ZNF516: variants seen among roughly 807,000 people sequenced by gnomAD.
ZNF516 encodes the protein zinc finger protein 516.
A neutral mutation model predicts 79.7 loss-of-function variants in ZNF516; 19 were observed. That is an observed-to-expected ratio of 0.24 (90% CI 0.17 to 0.35). ZNF516 has a LOEUF of 0.35. Ranked by LOEUF, ZNF516 falls within the 10% of genes least tolerant of loss-of-function variation. The pLI is 1.00. For missense variants in ZNF516, 1,678 were observed against 1,679.5 expected (o/e 1.00, Z 0.02); for synonymous variants, 877 against 739.5 (o/e 1.19, Z -3.02).
upstream of ZNF516, chr18:76,496,146 AG>A (rs1363623862): frequency 1.2e-5 from 5 of 427,542 alleles, no homozygotes; most frequent in East Asian, 4.5e-4. Context: ...GGGGTGGGGG[AG>A]GGGAGGGCGG....
At chr18:76,414,617 G>A (rs1599051134) in intron 3 of ZNF516, among the ~76,000 whole-genome samples, 1 of 152,340 alleles carries the variant, frequency 6.6e-6, no homozygotes. Flanking sequence ...CCCGAAGAAG[G>A]TTACCTACTT....
intron 1 of ZNF516, among the ~76,000 whole-genome samples, chr18:76,474,222 A>G (rs1914048364): frequency 6.6e-6 from 1 of 152,186 alleles, no homozygotes; most frequent in African/African-American, 2.4e-5. Context: ...TAAGAAACAG[A>G]CAGCTTGAAA....
At chr18:76,489,434 C>T (rs1456568152) in intron 1 of ZNF516, among the ~76,000 whole-genome samples, 1 of 152,100 alleles carries the variant, frequency 6.6e-6, no homozygotes, top group Non-Finnish European at 1.5e-5. Context: ...ACTTATAAAA[C>T]TCAAATATCT....
intron 3 of ZNF516, among the ~76,000 whole-genome samples, chr18:76,381,150 G>A (rs1309811238): frequency 6.6e-6 from 1 of 152,202 alleles, no homozygotes; most frequent in African/African-American, 2.4e-5. Flanking sequence ...AGGAACGCGT[G>A]AGACAGGGAG....
In ZNF516 at chr18:76,358,894, C is replaced by T. The variant is rs979552547; in HGVS notation, c.*3604G>A. 6.6e-6 allele frequency: 1 copy of T among 152,316 alleles called. No homozygotes were observed. The highest frequency in any genetic ancestry group is 1.5e-5 in the Non-Finnish European group (1 of 68,130). The allele number at this position is 152,316 out of a possible 1,614,324, so 9.4% of individuals were successfully genotyped here. On this transcript the variant is annotated 3_prime_UTR_variant, in exon 7 of 7. Coordinates refer to ENST00000443185, the MANE Select transcript of ZNF516 (RefSeq NM_014643.4). The stretch of plus-strand genomic sequence containing the variant: ...TTCTTTGATCCAGAAAGCATCCCTA[C>T]TGACCCTGTAACCTACACCCTCTCT...
chr18:76,476,783 C>T (rs1914198660), intron 1 of ZNF516, among the ~76,000 whole-genome samples: 1 of 152,204 alleles, frequency 6.6e-6, no homozygotes, highest in Non-Finnish European at 1.5e-5. Flanking sequence ...ACTAGGTGAA[C>T]CGTAGGCAAC....
intron 1 of ZNF516, among the ~76,000 whole-genome samples, chr18:76,463,735 G>A (rs1913270677): frequency 6.6e-6 from 1 of 152,176 alleles, no homozygotes; most frequent in Non-Finnish European, 1.5e-5. Flanking sequence ...ACTTATACCT[G>A]GGACCACGGA....
At chr18:76,492,883 G>C in intron 1 of ZNF516, 10 of 985,662 alleles carry the variant, frequency 1.0e-5, no homozygotes, top group Non-Finnish European at 1.2e-5. Context: ...GCGTGTCCAC[G>C]TCTACATCAC....
At chr18:76,445,199 G>A (rs1243934290) in intron 2 of ZNF516, among the ~76,000 whole-genome samples, 1 of 151,034 alleles carries the variant, frequency 6.6e-6, no homozygotes, top group East Asian at 2.0e-4. Flanking sequence ...GGAGGTTGCA[G>A]TGAGCTGAGA....
intron 4 of ZNF516, among the ~76,000 whole-genome samples, chr18:76,376,872 C>CG (rs2144994055): frequency 6.6e-6 from 1 of 152,166 alleles, no homozygotes; most frequent in South Asian, 2.1e-4. Context: ...AGGCGGCCAC[C>CG]GGGGGAAGGA....
rs971179022 is a variant in ZNF516 at position 76,441,637 on chromosome 18, G to A, written c.1418C>T (p.Ala473Val). ...CGCGCGCTTCCGCGGGGGCCCCTGCGCGGCTGGTGCATCCTGCTCACGCTT... is the reference window on the plus strand; with the variant it reads ...CGCGCGCTTCCGCGGGGGCCCCTGCACGGCTGGTGCATCCTGCTCACGCTT... ...KRKREQDAPA[A>V]QGPPRKRASG... Residue 473 changes from alanine (A) to valine (V), a missense_variant, in exon 3 of 7, where the codon GCG becomes GTG. Around this residue, in one of 5 missense-constraint regions of ZNF516, gnomAD observed 1,294 missense variants for 1,248.3 expected, o/e 1.04. Coordinates refer to ENST00000443185, the MANE Select transcript of ZNF516 (RefSeq NM_014643.4). 27 of 1,528,308 alleles carry A rather than the reference G, an allele frequency of 1.8e-5. No individual in the cohort carries two copies. Among genetic ancestry groups the A allele is most frequent in the Middle Eastern group, 1.7e-4 (1 of 5,848 alleles). 94.7% of individuals were successfully genotyped at this position (1,528,308 alleles called of 1,614,324 possible).
intron 3 of ZNF516, among the ~76,000 whole-genome samples, chr18:76,422,288 G>C (rs967272382): frequency 4.6e-5 from 7 of 152,216 alleles, no homozygotes; most frequent in Non-Finnish European, 1.0e-4. Context: ...CGGAGAGCGG[G>C]CCGGTCCCTC....
chr18:76,496,302 T>C (rs753093474), upstream of ZNF516: 119 of 1,288,804 alleles, frequency 9.2e-5, no homozygotes, highest in Non-Finnish European at 1.1e-4. Context: ...TTGTTCTCCT[T>C]CTCCTCGTGA....
rs1195954775 is a variant in ZNF516, at chr18:76,379,019, A to G, written c.3095T>C (p.Val1032Ala). ...GDAALQAQPG[V>A]AGAPPVLHSI... ...GTGTAGGACGGGGGGCGCCCCAGCC[A>G]CGCCGGGCTGGGCCTGCAAGGCCGC... Residue 1032 changes from valine (V) to alanine (A), a missense_variant, in exon 4 of 7, where the codon GTG becomes GCG. Transcript: ENST00000443185. The G allele has an allele frequency of 1.2e-6, 2 of 1,600,322 alleles. No individual in the cohort carries two copies. Among genetic ancestry groups the G allele is most frequent in the Admixed American group, 3.4e-5 (2 of 58,764 alleles).
chr18:76,442,979 C>G lies in ZNF516; in HGVS notation c.76G>C (p.Val26Leu). The G allele has an allele frequency of 6.2e-7, 1 of 1,605,280 alleles. No individual in the cohort carries two copies. ...SPTRAGRGHE[V>L]DGDKATCHTC... ...TGGCAGGTAGCCTTGTCCCCATCCA[C>G]CTCGTGGCCCCGGCCGGCCCTGGTG... is the stretch of plus-strand genomic sequence containing the variant. The change falls in exon 3 of 7, where the codon GTG becomes CTG. Residue 26 changes from valine to leucine, a missense_variant. By Grantham distance (32) the Val-to-Leu change is conservative (BLOSUM62 1). This residue lies in a region of ZNF516 where 62 missense variants were observed against 58.9 expected (regional missense o/e 1.05). Coordinates refer to ENST00000443185, the MANE Select transcript of ZNF516 (RefSeq NM_014643.4).
intron 6 of ZNF516, 93 bp from the exon 7 acceptor site, chr18:76,362,650 C>A: frequency 7.8e-7 from 1 of 1,282,844 alleles, no homozygotes; most frequent in Non-Finnish European, 1.1e-6. Flanking sequence ...AATCAACATC[C>A]AAGAACACAA....
chr18:76,397,433 G>A (rs1295717249), intron 3 of ZNF516, among the ~76,000 whole-genome samples: 2 of 152,134 alleles, frequency 1.3e-5, no homozygotes, highest in African/African-American at 4.8e-5. Context: ...GAACTGAATG[G>A]TATTATAAAA....
At chr18:76,411,543 G>A (rs373061109) in intron 3 of ZNF516, among the ~76,000 whole-genome samples, 42 of 152,226 alleles carry the variant, frequency 2.8e-4, no homozygotes, top group African/African-American at 9.6e-4. Context: ...GCAAAGGTGG[G>A]GAACAAAGCA....
Position 76,362,423 on chromosome 18 carries a change from G to T in ZNF516, c.*75C>A. The stretch of plus-strand genomic sequence containing the variant: ...TCCATGGAGCGGCCAGGTCACAGGT[G>T]GGAGGCTGCTGGGACATCGTGAGGG... On this transcript the variant is annotated 3_prime_UTR_variant, in exon 7 of 7. Coordinates refer to ENST00000443185, the MANE Select transcript of ZNF516 (RefSeq NM_014643.4). 1 of 1,471,732 alleles carries T rather than the reference G, an allele frequency of 6.8e-7. No homozygotes were observed. The highest frequency in any genetic ancestry group is 1.2e-5 in the South Asian group (1 of 84,152). The allele number at this position is 1,471,732 out of a possible 1,614,324, so 91.2% of individuals were successfully genotyped here.
Sources: allele counts gnomAD v4.1 joint callset (sites outside exome capture counted in the v4.1 genomes callset), GRCh38; gene constraint gnomAD v4.1.1; regional missense constraint gnomAD v4.1.1; transcripts MANE v1.5; gene names NCBI Gene and HGNC (gene_info 2026-07-23, HGNC 2026-07-21).